Variants in C1QTNF1 observed in about 807,000 individuals in gnomAD.
The protein encoded by C1QTNF1 is C1q and TNF related 1.
C1QTNF1 carries 22 observed loss-of-function variants against 27.8 expected under a neutral mutation model. The ratio of observed to expected loss-of-function variants is 0.79; its 90% CI spans 0.56 to 1.13. C1QTNF1 has a LOEUF of 1.13. Among genes scored for constraint, C1QTNF1 ranks in the 50% most tolerant of loss-of-function variants. The probability of loss-of-function intolerance (pLI) is 0.00; values close to 1 mark genes in which losing one functional copy is unlikely to be tolerated. For missense variants in C1QTNF1, 373 were observed against 380.2 expected (o/e 0.98, Z 0.16); for synonymous variants, 166 against 154.3 (o/e 1.08, Z -0.56).
rs144451983 is a variant in C1QTNF1 at position 79,041,426 on chromosome 17, C to T, written c.-14-2529C>T. On this transcript the variant is annotated intron_variant, in intron 1 of 3. Coordinates refer to ENST00000579760, the MANE Select transcript of C1QTNF1 (RefSeq NM_030968.5). ...GGGAGAGCCCTGGACTCCAGATCTT[C>T]CCCTGCAATGTTGACTTGGCGTGAG... 5.6e-3 allele frequency among the ~76,000 whole-genome samples: 852 copies of T among 152,280 alleles called. 3 individuals carry two copies. Among genetic ancestry groups the T allele is most frequent in the Admixed American group, 0.011 (175 of 15,312 alleles).
At chr17:79,028,509 G>A (rs2072036586) in intron 1 of C1QTNF1, among the ~76,000 whole-genome samples, 1 of 152,208 alleles carries the variant, frequency 6.6e-6, no homozygotes, top group Non-Finnish European at 1.5e-5. Context: ...CATTCTCCTT[G>A]TAAAGAATCT....
intron 1 of C1QTNF1, among the ~76,000 whole-genome samples, chr17:79,038,125 G>A (rs1414332656): frequency 3.9e-5 from 6 of 152,014 alleles, no homozygotes. Context: ...GAGTAGCTGG[G>A]ACTACAGGTG....
chr17:79,043,965 G>A lies in C1QTNF1; in HGVS notation c.-4G>A. On this transcript the variant is annotated 5_prime_UTR_variant, in exon 2 of 4. Transcript: ENST00000579760. ...TTTCTTTCCCACCAGGGCCCGGCAG[G>A]AAGATGGGCTCCCGTGGACAGGGAC... The A allele has an allele frequency of 5.0e-6, 8 of 1,614,026 alleles. No homozygotes were observed. Among genetic ancestry groups the A allele is most frequent in the Non-Finnish European group, 6.8e-6 (8 of 1,180,022 alleles).
intron 1 of C1QTNF1, among the ~76,000 whole-genome samples, chr17:79,029,484 G>A (rs2072069698): frequency 6.6e-6 from 1 of 152,212 alleles, no homozygotes; most frequent in Admixed American, 6.5e-5. Context: ...ATCAAGCTCA[G>A]TGGTGTAGGG....
chr17:79,030,803 G>C (rs1291982386), intron 1 of C1QTNF1, among the ~76,000 whole-genome samples: 1 of 151,838 alleles, frequency 6.6e-6, no homozygotes, highest in Non-Finnish European at 1.5e-5. Context: ...GTTTTACCAT[G>C]TTGGTCAGGA....
intron 1 of C1QTNF1, among the ~76,000 whole-genome samples, chr17:79,035,952 T>C (rs532052625): frequency 3.9e-5 from 6 of 152,200 alleles, no homozygotes; most frequent in Admixed American, 2.6e-4. Context: ...AGTTGACCTT[T>C]AGGATCTATT....
At chr17:79,044,723 G>T (rs532057586) in intron 2 of C1QTNF1, among the ~76,000 whole-genome samples, 1 of 152,210 alleles carries the variant, frequency 6.6e-6, no homozygotes, top group Non-Finnish European at 1.5e-5. Flanking sequence ...TAGGGAAGCC[G>T]AGTGCTTCAT....
rs1479390554 is a variant in C1QTNF1 at position 79,047,948 on chromosome 17, C to G, written c.706C>G (p.Leu236Val). ...CCGCAGCATCATGCAAAGCCAGAGC[C>G]TGATGCTGGAGCTGCGAGAGCAGGA... ...GDRSIMQSQS[L>V]MLELREQDQV... Residue 236 changes from leucine (L) to valine (V), a missense_variant, in exon 4 of 4, where the codon CTG becomes GTG. Physicochemically the swap from Leu to Val is conservative, Grantham distance 32. Coordinates refer to ENST00000579760, the MANE Select transcript of C1QTNF1 (RefSeq NM_030968.5). 6.2e-7 allele frequency: 1 copy of G among 1,614,036 alleles called. No homozygotes were observed. The highest frequency in any genetic ancestry group is 1.1e-5 in the South Asian group (1 of 91,084).
chr17:79,033,525 T>C (rs2072189352), intron 1 of C1QTNF1, among the ~76,000 whole-genome samples: 1 of 149,934 alleles, frequency 6.7e-6, no homozygotes, highest in Non-Finnish European at 1.5e-5. Context: ...AGTGAGATCC[T>C]GTCTCTAAAA....
At position 79,030,517 on chromosome 17, in the gene C1QTNF1, CTTTCTTTCTTTCTTCT is replaced by C. The variant is rs2036900222; in HGVS notation, c.-15+6026_-15+6041del. Among the ~76,000 whole-genome samples the C allele has an allele frequency of 7.6e-5, 8 of 104,858 alleles. No individual in the cohort carries two copies. The South Asian group carries it at 9.8e-4, about 13-fold the overall frequency. 68.8% of individuals were successfully genotyped at this position (104,858 alleles called of 152,430 possible). On this transcript the variant is annotated intron_variant, in intron 1 of 3. Transcript: ENST00000579760. ...TCTTTCTTTCTTTCTTTCTTTCTTT[CTTTCTTTCTTTCTTCT>C]TTCTTTCTTTTTCTTTCTTTCCTCT... is the stretch of plus-strand genomic sequence containing the variant.
chr17:79,044,985 T>G (rs2072529841), intron 2 of C1QTNF1, among the ~76,000 whole-genome samples: 1 of 152,064 alleles, frequency 6.6e-6, no homozygotes, highest in African/African-American at 2.4e-5. Flanking sequence ...GGGGGACACA[T>G]GAGTGGCACA....
chr17:79,030,542 TTTTC>T (rs2072112978), intron 1 of C1QTNF1, among the ~76,000 whole-genome samples: 1 of 135,686 alleles, frequency 7.4e-6, no homozygotes, highest in Non-Finnish European at 1.7e-5. Flanking sequence ...CTTTCTTTCT[TTTTC>T]TTTCTTTCCT....
At chr17:79,025,923 A>G (rs748489857) in intron 1 of C1QTNF1, 6 of 439,608 alleles carry the variant, frequency 1.4e-5, no homozygotes, top group Non-Finnish European at 2.3e-5. Flanking sequence ...CATCATCATG[A>G]TGTCAGCCAC....
intron 1 of C1QTNF1, among the ~76,000 whole-genome samples, chr17:79,041,992 AG>A (rs1391834030): frequency 6.6e-6 from 1 of 152,132 alleles, no homozygotes; most frequent in Non-Finnish European, 1.5e-5. Flanking sequence ...GGGCCTTTGG[AG>A]ATGAGCCCTT....
chr17:79,038,723 T>C (rs1195047339), intron 1 of C1QTNF1, among the ~76,000 whole-genome samples: 1 of 152,152 alleles, frequency 6.6e-6, no homozygotes, highest in Non-Finnish European at 1.5e-5. Context: ...CAGATAACCT[T>C]GCTGGGACAC....
At chr17:79,043,341 G>A (rs2072470980) in intron 1 of C1QTNF1, 2 of 453,412 alleles carry the variant, frequency 4.4e-6, no homozygotes, top group African/African-American at 2.0e-5. Context: ...GTGCATGTGA[G>A]CATGTGGATT....
At position 79,044,136 on chromosome 17, in the gene C1QTNF1, G is replaced by A. The variant is rs779293468; in HGVS notation, c.155+13G>A. 11 of 1,594,330 alleles carry A rather than the reference G, an allele frequency of 6.9e-6. No individual in the cohort carries two copies. Among genetic ancestry groups the A allele is most frequent in the East Asian group, 2.3e-5 (1 of 44,432 alleles). ...ACCATGCCGAGAGGTGAGGGGCCAC[G>A]AGGGTGTAATAGCAGGAGCTCTGGC... On this transcript the variant is annotated intron_variant, in intron 2 of 3. Coordinates refer to ENST00000579760, the MANE Select transcript of C1QTNF1 (RefSeq NM_030968.5).
rs200330872 is a variant in C1QTNF1 at position 79,047,566 on chromosome 17, C to A, written c.324C>A (p.Gly108=). 3.3e-6 allele frequency: 5 copies of A among 1,530,776 alleles called. No individual in the cohort carries two copies. Among genetic ancestry groups the A allele is most frequent in the Admixed American group, 2.2e-5 (1 of 46,204 alleles). 94.8% of individuals were successfully genotyped at this position (1,530,776 alleles called of 1,614,324 possible). Residue 108 remains glycine, a synonymous_variant, in exon 4 of 4, where the codon GGC becomes GGA. Transcript: ENST00000579760. Reference sequence around the variant, plus strand: ...AGAAGGGTGACCGCGGAGATCGAGGCCTCCAAGGGAAATATGGCAAAACAG... The same window carrying A: ...AGAAGGGTGACCGCGGAGATCGAGGACTCCAAGGGAAATATGGCAAAACAG... ...KGEKGDRGDR[G]LQGKYGKTGS...
chr17:79,031,329 A>C (rs1206284323), intron 1 of C1QTNF1, among the ~76,000 whole-genome samples: 1 of 151,704 alleles, frequency 6.6e-6, no homozygotes, highest in African/African-American at 2.4e-5. Flanking sequence ...AAATGTCTTT[A>C]GAAAGAACGC....
Sources: gnomAD v4.1 joint callset for allele counts (sites outside exome capture counted in the v4.1 genomes callset) on GRCh38, gnomAD v4.1.1 for gene constraint, MANE v1.5 for transcripts, NCBI Gene and HGNC (gene_info 2026-07-23, HGNC 2026-07-21) for gene names.